The following HACD2 variants were observed in gnomAD, a reference collection of about 807,000 sequenced individuals.
HACD2 encodes the protein very-long-chain (3R)-3-hydroxyacyl-CoA dehydratase 2.
A neutral mutation model predicts 31.0 loss-of-function variants in HACD2; 15 were observed. The observed-to-expected ratio is 0.48, with a 90% CI of 0.32 to 0.75. The LOEUF (loss-of-function observed/expected upper bound fraction) is 0.75, where lower values mean the gene tolerates loss of function less well. Among genes scored for constraint, HACD2 ranks in the 30% least tolerant of loss-of-function variants. The probability of loss-of-function intolerance (pLI) is 0.03; values close to 1 mark genes in which losing one functional copy is unlikely to be tolerated. For synonymous variants in HACD2, 115 were observed against 122.2 expected (o/e 0.94, Z 0.39); for missense variants, 283 against 313.0 (o/e 0.90, Z 0.72).
intron 4 of HACD2, among the ~76,000 whole-genome samples, chr3:123,517,894 T>TTTTTAAAAATTA: frequency 6.6e-6 from 1 of 152,080 alleles, no homozygotes; most frequent in African/African-American, 2.4e-5. Flanking sequence ...GCTTGTACAG[T>TTTTTAAAAATTA]GCTTTAAAAA....
rs1001518109 is a variant in HACD2 at position 123,516,476 on chromosome 3, C to T, written c.381+11910G>A. ...GTCTCGATCTTCTGACCTCGTGATCCGCCCACCTCGGCCTCCCAAAGTGCT... is the reference window on the plus strand; with the variant it reads ...GTCTCGATCTTCTGACCTCGTGATCTGCCCACCTCGGCCTCCCAAAGTGCT... On this transcript the variant is annotated intron_variant, in intron 4 of 6. Coordinates refer to ENST00000383657, the MANE Select transcript of HACD2 (RefSeq NM_198402.5). 4.6e-5 allele frequency among the ~76,000 whole-genome samples: 7 copies of T among 152,010 alleles called. 1 individual carries two copies. Among genetic ancestry groups the T allele is most frequent in the African/African-American group, 1.2e-4 (5 of 41,390 alleles).
intron 4 of HACD2, among the ~76,000 whole-genome samples, chr3:123,520,925 C>T (rs929963602): frequency 1.3e-5 from 2 of 152,146 alleles, no homozygotes; most frequent in African/African-American, 4.8e-5. Context: ...CTATTTTAAG[C>T]CCAAGGTAAT....
intron 2 of HACD2, among the ~76,000 whole-genome samples, chr3:123,573,317 T>C (rs1576241558): frequency 6.6e-6 from 1 of 152,344 alleles, no homozygotes; most frequent in East Asian, 1.9e-4. Flanking sequence ...GAATATATAG[T>C]ACTTATTACT....
chr3:123,534,074 G>A (rs935401778), intron 3 of HACD2, among the ~76,000 whole-genome samples: 3 of 151,696 alleles, frequency 2.0e-5, no homozygotes, highest in Non-Finnish European at 4.4e-5. Context: ...GTATAAAGGG[G>A]ATCTGGCAAT....
At chr3:123,540,051 T>G (rs1052374253) in intron 3 of HACD2, among the ~76,000 whole-genome samples, 1 of 136,612 alleles carries the variant, frequency 7.3e-6, no homozygotes, top group Non-Finnish European at 1.5e-5. Context: ...GCCACTGCAC[T>G]CCAGCCTAGG....
intron 5 of HACD2, among the ~76,000 whole-genome samples, 166 bp from the exon 6 acceptor site, chr3:123,500,859 C>G (rs2055893926): frequency 6.6e-6 from 1 of 152,190 alleles, no homozygotes; most frequent in Non-Finnish European, 1.5e-5. Flanking sequence ...GTTTCTGAAA[C>G]CAGCCTACAG....
chr3:123,558,672 CAT>C (rs2056696578), intron 3 of HACD2, among the ~76,000 whole-genome samples: 1 of 152,152 alleles, frequency 6.6e-6, no homozygotes, highest in Admixed American at 6.5e-5. Flanking sequence ...ATAAAAATGA[CAT>C]ATCACGGTCA....
At chr3:123,526,642 C>T (rs534033286) in intron 4 of HACD2, among the ~76,000 whole-genome samples, 5 of 151,516 alleles carry the variant, frequency 3.3e-5, no homozygotes, top group Admixed American at 1.3e-4. Flanking sequence ...GAGTATATAA[C>T]AAATTACTGT....
chr3:123,579,368 C>T (rs112906658), intron 2 of HACD2, among the ~76,000 whole-genome samples: 23 of 150,684 alleles, frequency 1.5e-4, no homozygotes, highest in South Asian at 2.1e-4. Flanking sequence ...AATCATAGTT[C>T]GCTGCAGCCT....
chr3:123,547,409 C>A (rs372913887), intron 3 of HACD2, among the ~76,000 whole-genome samples: 1 of 152,228 alleles, frequency 6.6e-6, no homozygotes. Context: ...GCTTTGAATT[C>A]CAGGGACGTT....
At chr3:123,502,812 C>T in intron 4 of HACD2, 131 bp from the exon 5 acceptor site, 1 of 882,714 alleles carries the variant, frequency 1.1e-6, no homozygotes, top group Non-Finnish European at 1.7e-6. Flanking sequence ...CCCTGTATGG[C>T]AGAAAGAGCT....
intron 3 of HACD2, among the ~76,000 whole-genome samples, chr3:123,540,128 C>T (rs938828538): frequency 3.3e-4 from 50 of 150,546 alleles, no homozygotes; most frequent in African/African-American, 1.1e-3. Context: ...AATCCTGGTG[C>T]TTGGTTTTTT....
chr3:123,559,705 G>A (rs549129110), intron 3 of HACD2, among the ~76,000 whole-genome samples: 1 of 152,298 alleles, frequency 6.6e-6, no homozygotes, highest in Non-Finnish European at 1.5e-5. Flanking sequence ...GGCACCTTAA[G>A]GTCTCAATAA....
Position 123,494,622 on chromosome 3 carries a change from C to G in HACD2, c.*266G>C. 2.1e-6 allele frequency: 1 copy of G among 471,526 alleles called. No individual in the cohort carries two copies. Among genetic ancestry groups the G allele is most frequent in the South Asian group, 2.3e-5 (1 of 43,458 alleles). 29.2% of individuals were successfully genotyped at this position (471,526 alleles called of 1,614,324 possible). A position where few individuals can be genotyped will look rare whatever the true frequency, so the allele number is the denominator to read the frequency against. On this transcript the variant is annotated 3_prime_UTR_variant, in exon 7 of 7. Coordinates refer to ENST00000383657, the MANE Select transcript of HACD2 (RefSeq NM_198402.5). The stretch of plus-strand genomic sequence containing the variant: ...CACAGAAGGACATAAAATGCCAAAT[C>G]CCTTTCTAGTGCCATCATAAATATT...
chr3:123,499,269 A>C (rs2055873887), intron 6 of HACD2: 2 of 170,114 alleles, frequency 1.2e-5, no homozygotes, highest in African/African-American at 4.8e-5. Flanking sequence ...TCTAAAAAAA[A>C]AAAACAAAAT....
At chr3:123,571,534 G>C (rs1367699987) in intron 2 of HACD2, among the ~76,000 whole-genome samples, 1 of 152,166 alleles carries the variant, frequency 6.6e-6, no homozygotes, top group Non-Finnish European at 1.5e-5. Context: ...AAGGCCTGGA[G>C]AGCAGCCTCT....
intron 4 of HACD2, among the ~76,000 whole-genome samples, chr3:123,509,354 C>A (rs2056020779): frequency 6.6e-6 from 1 of 151,852 alleles, no homozygotes; most frequent in Non-Finnish European, 1.5e-5. Flanking sequence ...GGCAACAGAG[C>A]AAGACCCTGT....
intron 3 of HACD2, among the ~76,000 whole-genome samples, chr3:123,558,176 A>G (rs900311992): frequency 1.3e-5 from 2 of 152,216 alleles, no homozygotes; most frequent in African/African-American, 4.8e-5. Context: ...GTCGGTCTGA[A>G]AAGGCTGCAT....
chr3:123,550,436 AGG>A (rs2107730567), intron 3 of HACD2, among the ~76,000 whole-genome samples: 1 of 152,278 alleles, frequency 6.6e-6, no homozygotes, highest in Admixed American at 6.5e-5. Flanking sequence ...GGAAGAGAAA[AGG>A]GGGAGATTTA....
Sources: gnomAD v4.1 joint callset for allele counts (sites outside exome capture counted in the v4.1 genomes callset) on GRCh38, gnomAD v4.1.1 for gene constraint, MANE v1.5 for transcripts, NCBI Gene and HGNC (gene_info 2026-07-23, HGNC 2026-07-21) for gene names.